PTGER1: variants seen among roughly 807,000 people sequenced by gnomAD.
PTGER1 encodes the protein prostaglandin E2 receptor EP1 subtype.
In PTGER1, 15 loss-of-function variants were observed where a neutral mutation model predicts 18.5. The ratio of observed to expected loss-of-function variants is 0.81; its 90% confidence interval spans 0.54 to 1.25. PTGER1 has a LOEUF of 1.25. Ranked by LOEUF, PTGER1 falls within the 50% of genes most tolerant of loss-of-function variation. The pLI, the probability that PTGER1 is intolerant of heterozygous loss-of-function variation, is 0.00. For missense variants in PTGER1, 567 were observed against 603.4 expected, an observed-to-expected ratio of 0.94 and a Z score of 0.63; for synonymous variants, 339 against 308.4, an observed-to-expected ratio of 1.10 and a Z score of -1.04.
chr19:14,472,877 C>A, intron 2 of PTGER1, 51 bp from the exon 3 acceptor site: 1 of 1,494,262 alleles, frequency 6.7e-7, no homozygotes, highest in South Asian at 1.3e-5. Context: ...CGCAGGGGGG[C>A]GCAGGGATGG....
Position 14,473,876 on chromosome 19 carries a change from C to A in PTGER1, c.445G>T (p.Val149Phe). 1.6e-6 allele frequency: 2 copies of A among 1,266,278 alleles called. No individual in the cohort carries two copies. The highest frequency in any genetic ancestry group is 9.9e-7 in the Non-Finnish European group (1 of 1,010,378). The allele number at this position is 1,266,278 out of a possible 1,614,324, so 78.4% of individuals were successfully genotyped here. A position where few individuals can be genotyped will look rare whatever the true frequency, so the allele number is the denominator to read the frequency against. ...VTRPLLHAAR[V>F]SVARARLALA... ...GCCAGGCGCGCGCGGGCGACCGAGA[C>A]CCGCGCGGCGTGGAGCAGCGGCCGC... is the stretch of plus-strand genomic sequence containing the variant. The change falls in exon 2 of 3, where the codon GTC (valine) becomes TTC (phenylalanine). Residue 149 changes from valine to phenylalanine, a missense_variant. By Grantham distance (50) the Val-to-Phe change is conservative. Coordinates refer to ENST00000292513, the MANE Select transcript of PTGER1 (RefSeq NM_000955.3). The surrounding 1 kb of genome is among the most constrained non-coding windows in gnomAD (Gnocchi z 7.1).
Position 14,473,785 on chromosome 19 carries a change from T to C in PTGER1, c.536A>G (p.Tyr179Cys). ...ALLPLARVGR[Y>C]ELQYPGTWCF... ...CCACGTGCCCGGGTACTGCAGCTCA[T>C]AGCGGCCCACGCGCGCCAGCGGCAG... Residue 179 changes from tyrosine (Y) to cysteine (C), a missense_variant, in exon 2 of 3, where the codon TAT (tyrosine) becomes TGT (cysteine). Tyr to Cys is a radical substitution (Grantham distance 194). Coordinates refer to ENST00000292513, the MANE Select transcript of PTGER1 (RefSeq NM_000955.3). The surrounding 1 kb of genome is among the most constrained non-coding windows in gnomAD (Gnocchi z 7.1). The C allele has an allele frequency of 7.0e-7, 1 of 1,432,338 alleles. No homozygotes were observed. 88.7% of individuals were successfully genotyped at this position (1,432,338 alleles called of 1,614,324 possible). A position where few individuals can be genotyped will look rare whatever the true frequency, so the allele number is the denominator to read the frequency against.
rs773392760 is a variant in PTGER1 at position 14,472,642 on chromosome 19, G to A, written c.1127C>T (p.Pro376Leu). The A allele has an allele frequency of 6.2e-7, 1 of 1,607,650 alleles. No individual in the cohort carries two copies. The highest frequency in any genetic ancestry group is 1.7e-5 in the Admixed American group (1 of 59,426). Residue 376 changes from proline (P) to leucine (L), a missense_variant, in exon 3 of 3, where the codon CCC (proline) becomes CTC (leucine). Pro to Leu is a moderately conservative substitution (Grantham distance 98). Coordinates refer to ENST00000292513, the MANE Select transcript of PTGER1 (RefSeq NM_000955.3). ...LPPRAGAKGG[P>L]AGLGLTPSAW... Reference sequence around the variant, plus strand: ...GCTCGGTGTTAGGCCCAGCCCCGCGGGGCCGCCCTTGGCTCCGGCCCTCGG... The same window carrying A: ...GCTCGGTGTTAGGCCCAGCCCCGCGAGGCCGCCCTTGGCTCCGGCCCTCGG...
chr19:14,474,069 G>C lies in PTGER1; in HGVS notation c.252C>G (p.Asp84Glu). Residue 84 changes from aspartate to glutamate, a missense_variant, in exon 2 of 3, where the codon GAC becomes GAG. Asp to Glu is a conservative substitution (Grantham distance 45). Transcript: ENST00000292513. The surrounding 1 kb of genome is among the most constrained non-coding windows in gnomAD (Gnocchi z 5.4). ...LLFVASLLAT[D>E]LAGHVIPGAL... is the part of the protein sequence containing the mutation. ...CGCCCGGGATCACGTGGCCCGCCAG[G>C]TCGGTGGCCAGCAGGCTGGCCACGA... 6.7e-7 allele frequency: 1 copy of C among 1,493,844 alleles called. No individual in the cohort carries two copies. The highest frequency in any genetic ancestry group is 1.5e-5 in the African/African-American group (1 of 68,536). 92.5% of individuals were successfully genotyped at this position (1,493,844 alleles called of 1,614,324 possible). A position where few individuals can be genotyped will look rare whatever the true frequency, so the allele number is the denominator to read the frequency against.
chr19:14,474,079 AGCAGGCTGGCCAC>A lies in PTGER1; in HGVS notation c.229_241del (p.Val77TrpfsTer9). On this transcript the variant is annotated frameshift_variant, in exon 2 of 3. Transcript: ENST00000292513. LOFTEE classifies it high-confidence loss of function. The surrounding 1 kb of genome is among the most constrained non-coding windows in gnomAD (Gnocchi z 5.4). ...CACGTGGCCCGCCAGGTCGGTGGCC[AGCAGGCTGGCCAC>A]GAACAGCAGGAAGGTGGCGGCCGAG... The A allele has an allele frequency of 6.9e-7, 1 of 1,447,182 alleles. No individual in the cohort carries two copies. The highest frequency in any genetic ancestry group is 9.1e-7 in the Non-Finnish European group (1 of 1,101,840). The allele number at this position is 1,447,182 out of a possible 1,614,324, so 89.6% of individuals were successfully genotyped here.
Position 14,472,861 on chromosome 19 carries a change from C to A in PTGER1, c.943-35G>T, listed in dbSNP as rs529281879. 56 of 1,520,694 alleles carry A rather than the reference C, an allele frequency of 3.7e-5. No individual in the cohort carries two copies. In the African/African-American group the frequency reaches 7.4e-4, roughly 20 times the overall value. 94.2% of individuals were successfully genotyped at this position (1,520,694 alleles called of 1,614,324 possible). On this transcript the variant is annotated intron_variant, in intron 2 of 2. Transcript: ENST00000292513. The stretch of plus-strand genomic sequence containing the variant: ...AAGCCGGTGTGAGCTATAGAGCAGG[C>A]GCGGGCGCAGGGGGGCGCAGGGATG...
rs980271498 is a variant in PTGER1, at chr19:14,474,885, CCA to C, written c.-18+375_-18+376del. Among the ~76,000 whole-genome samples the C allele has an allele frequency of 8.5e-5, 13 of 152,292 alleles. No individual in the cohort carries two copies. Among genetic ancestry groups the C allele is most frequent in the African/African-American group, 3.1e-4 (13 of 41,568 alleles). ...CCATCTCTGACCCCACATGGCACAG[CCA>C]CATCTGTGCCATGGACCCATCTCTG... On this transcript the variant is annotated intron_variant, in intron 1 of 2. Transcript: ENST00000292513. This position sits in a 1 kb window ranked among gnomAD's most constrained non-coding sequence, Gnocchi z 5.4.
Position 14,472,607 on chromosome 19 carries a change from C to T in PTGER1, c.1162G>A (p.Ala388Thr). The T allele has an allele frequency of 6.2e-7, 1 of 1,600,910 alleles. No homozygotes were observed. Residue 388 changes from alanine to threonine, a missense_variant, in exon 3 of 3, where the codon GCC becomes ACC. Coordinates refer to ENST00000292513, the MANE Select transcript of PTGER1 (RefSeq NM_000955.3). ...TGCCGGGAGCTGCGCAGCGAGCTGG[C>T]CTCCCAGGCGCTCGGTGTTAGGCCC... The part of the protein sequence containing the change: ...GLGLTPSAWE[A>T]SSLRSSRHSG...
At position 14,474,291 on chromosome 19, in the gene PTGER1, G is replaced by T. The variant is rs1473839305; in HGVS notation, c.30C>A (p.Ser10Arg). 3 of 1,530,572 alleles carry T rather than the reference G, an allele frequency of 2.0e-6. No homozygotes were observed. Among genetic ancestry groups the T allele is most frequent in the Non-Finnish European group, 2.6e-6 (3 of 1,144,858 alleles). 94.8% of individuals were successfully genotyped at this position (1,530,572 alleles called of 1,614,324 possible). A position where few individuals can be genotyped will look rare whatever the true frequency, so the allele number is the denominator to read the frequency against. ...CGCATGTGGTCGCCTCGCCCGCCAGGCTCAGGTTGAGGGGCCCGCAAGGGC... is the reference window on the plus strand; with the variant it reads ...CGCATGTGGTCGCCTCGCCCGCCAGTCTCAGGTTGAGGGGCCCGCAAGGGC... The part of the protein sequence containing the change: MSPCGPLNL[S>R]LAGEATTCAA... Residue 10 changes from serine to arginine, a missense_variant, in exon 2 of 3, where the codon AGC becomes AGA. Physicochemically the swap from Ser to Arg is moderately radical, Grantham distance 110 (BLOSUM62 -1). Coordinates refer to ENST00000292513, the MANE Select transcript of PTGER1 (RefSeq NM_000955.3). The surrounding 1 kb of genome is among the most constrained non-coding windows in gnomAD (Gnocchi z 5.4).
Position 14,472,540 on chromosome 19 carries a change from C to T in PTGER1, c.*20G>A, listed in dbSNP as rs201302105. The T allele has an allele frequency of 1.5e-4, 225 of 1,536,012 alleles. No individual in the cohort carries two copies. Among genetic ancestry groups the T allele is most frequent in the Non-Finnish European group, 1.9e-4 (219 of 1,147,990 alleles). The stretch of plus-strand genomic sequence containing the variant: ...CCAGCCCAGGGTGGGCTGGCTTAGT[C>T]GTTGGGCCTCTGGTTGTGCTTAGAA... On this transcript the variant is annotated 3_prime_UTR_variant, in exon 3 of 3. Transcript: ENST00000292513.
In PTGER1 at chr19:14,472,760, C is replaced by T. The variant is rs1185809076; in HGVS notation, c.1009G>A (p.Val337Met). The change falls in exon 3 of 3, where the codon GTG becomes ATG. Residue 337 changes from valine (V) to methionine (M), a missense_variant. Physicochemically the swap from Val to Met is conservative, Grantham distance 21 (BLOSUM62 1). Coordinates refer to ENST00000292513, the MANE Select transcript of PTGER1 (RefSeq NM_000955.3). The stretch of plus-strand genomic sequence containing the variant: ...ATCTGGTTCCAGGAGGCAAGGCGCA[C>T]GGCCAGGAACAGTGGCCGCTGCAGG... ...TSLQRPLFLA[V>M]RLASWNQILD... The T allele has an allele frequency of 1.9e-6, 3 of 1,593,822 alleles. No homozygotes were observed. Among genetic ancestry groups the T allele is most frequent in the Non-Finnish European group, 2.6e-6 (3 of 1,170,984 alleles).
rs903466444 is a variant in PTGER1 at position 14,473,624 on chromosome 19, G to A, written c.697C>T (p.Arg233Cys). 2.0e-5 allele frequency: 29 copies of A among 1,467,810 alleles called. No individual in the cohort carries two copies. Among genetic ancestry groups the A allele is most frequent in the Non-Finnish European group, 2.4e-5 (27 of 1,119,954 alleles). The allele number at this position is 1,467,810 out of a possible 1,614,324, so 90.9% of individuals were successfully genotyped here. Residue 233 changes from arginine to cysteine, a missense_variant, in exon 2 of 3, where the codon CGC becomes TGC. Arg to Cys is a radical substitution (Grantham distance 180). Coordinates refer to ENST00000292513, the MANE Select transcript of PTGER1 (RefSeq NM_000955.3). The surrounding 1 kb of genome is among the most constrained non-coding windows in gnomAD (Gnocchi z 7.1). Reference sequence around the variant, plus strand: ...GGCCGTCGGGAGCGGCGTCGCCAGCGGGCGCGTAGCAGGGCCAGGCCGCTG... The same window carrying A: ...GGCCGTCGGGAGCGGCGTCGCCAGCAGGCGCGTAGCAGGGCCAGGCCGCTG... ...TLSGLALLRARWRRRSRRPPP... is the reference protein window; with the variant it reads ...TLSGLALLRACWRRRSRRPPP...
rs903351025 is a variant in PTGER1, at chr19:14,473,966, A to C, written c.355T>G (p.Phe119Val). 9.0e-5 allele frequency: 135 copies of C among 1,495,068 alleles called. 1 individual carries two copies. In the African/African-American group the frequency reaches 1.4e-3, roughly 16 times the overall value. The allele number at this position is 1,495,068 out of a possible 1,614,324, so 92.6% of individuals were successfully genotyped here. Residue 119 changes from phenylalanine to valine, a missense_variant, in exon 2 of 3, where the codon TTC (phenylalanine) becomes GTC (valine). Transcript: ENST00000292513. The surrounding 1 kb of genome is among the most constrained non-coding windows in gnomAD (Gnocchi z 7.1). ...ACHFLGGCMV[F>V]FGLCPLLLGC... ...AGCAGCAGCGGGCACAGGCCGAAGAAGACCATGCAGCCGCCCAGGAAGTGG... is the reference window on the plus strand; with the variant it reads ...AGCAGCAGCGGGCACAGGCCGAAGACGACCATGCAGCCGCCCAGGAAGTGG...
rs1224514499 is a variant in PTGER1, at chr19:14,474,944, T to A, written c.-18+318A>T. ...CCCCATGGACCTGCCTCTGCTCCAC[T>A]GCGGTCTCTCGCCAGGCCCTACCCC... On this transcript the variant is annotated intron_variant, in intron 1 of 2. Transcript: ENST00000292513. The surrounding 1 kb of genome is among the most constrained non-coding windows in gnomAD (Gnocchi z 5.4). 1.3e-5 allele frequency among the ~76,000 whole-genome samples: 2 copies of A among 152,098 alleles called. No individual in the cohort carries two copies. The highest frequency in any genetic ancestry group is 4.8e-5 in the African/African-American group (2 of 41,424).
In PTGER1 at chr19:14,473,797, C is replaced by T; in HGVS notation, c.524G>A (p.Arg175His). 1.4e-5 allele frequency: 20 copies of T among 1,414,722 alleles called. No individual in the cohort carries two copies. Among genetic ancestry groups the T allele is most frequent in the Non-Finnish European group, 1.8e-5 (19 of 1,084,410 alleles). The allele number at this position is 1,414,722 out of a possible 1,614,324, so 87.6% of individuals were successfully genotyped here. A position where few individuals can be genotyped will look rare whatever the true frequency, so the allele number is the denominator to read the frequency against. ...ALAVALLPLA[R>H]VGRYELQYPG... ...GTACTGCAGCTCATAGCGGCCCACG[C>T]GCGCCAGCGGCAGCAGCGCCACGGC... The change falls in exon 2 of 3, where the codon CGC becomes CAC. Residue 175 changes from arginine (R) to histidine (H), a missense_variant. Coordinates refer to ENST00000292513, the MANE Select transcript of PTGER1 (RefSeq NM_000955.3). The surrounding 1 kb of genome is among the most constrained non-coding windows in gnomAD (Gnocchi z 7.1).
chr19:14,473,749 C>G lies in PTGER1; in HGVS notation c.572G>C (p.Gly191Ala), dbSNP rs1271682769. 3 of 1,457,340 alleles carry G rather than the reference C, an allele frequency of 2.1e-6. No homozygotes were observed. The Admixed American group carries it at 7.5e-5, about 36-fold the overall frequency. The allele number at this position is 1,457,340 out of a possible 1,614,324, so 90.3% of individuals were successfully genotyped here. A position where few individuals can be genotyped will look rare whatever the true frequency, so the allele number is the denominator to read the frequency against. ...GCGCCAGCCGCCCGGGGGACCCAGGCCGATGAAGCACCACGTGCCCGGGTA... is the reference window on the plus strand; with the variant it reads ...GCGCCAGCCGCCCGGGGGACCCAGGGCGATGAAGCACCACGTGCCCGGGTA... Reference protein sequence around the residue: ...LQYPGTWCFIGLGPPGGWRQA... With the variant: ...LQYPGTWCFIALGPPGGWRQA... The change falls in exon 2 of 3, where the codon GGC becomes GCC. Residue 191 changes from glycine to alanine, a missense_variant. Transcript: ENST00000292513. The surrounding 1 kb of genome is among the most constrained non-coding windows in gnomAD (Gnocchi z 7.1).
chr19:14,473,973 G>A lies in PTGER1; in HGVS notation c.348C>T (p.Cys116=). Residue 116 remains cysteine, a synonymous_variant, in exon 2 of 3, where the codon TGC becomes TGT. Coordinates refer to ENST00000292513, the MANE Select transcript of PTGER1 (RefSeq NM_000955.3). This position sits in a 1 kb window ranked among gnomAD's most constrained non-coding sequence, Gnocchi z 7.1. ...AGGACHFLGG[C]MVFFGLCPLL... is the part of the protein sequence containing the mutation. ...GCGGGCACAGGCCGAAGAAGACCATGCAGCCGCCCAGGAAGTGGCAGGCCC... is the reference window on the plus strand; with the variant it reads ...GCGGGCACAGGCCGAAGAAGACCATACAGCCGCCCAGGAAGTGGCAGGCCC... 1 of 1,497,352 alleles carries A rather than the reference G, an allele frequency of 6.7e-7. No individual in the cohort carries two copies. Among genetic ancestry groups the A allele is most frequent in the Admixed American group, 2.1e-5 (1 of 48,038 alleles). The allele number at this position is 1,497,352 out of a possible 1,614,324, so 92.8% of individuals were successfully genotyped here.
In PTGER1 at chr19:14,473,946, C is replaced by T; in HGVS notation, c.375G>A (p.Leu125=). 6.8e-7 allele frequency: 1 copy of T among 1,476,248 alleles called. No homozygotes were observed. The highest frequency in any genetic ancestry group is 8.9e-7 in the Non-Finnish European group (1 of 1,118,324). The allele number at this position is 1,476,248 out of a possible 1,614,324, so 91.4% of individuals were successfully genotyped here. ...GCMVFFGLCP[L]LLGCGMAVER... ...CCACGGCCATGCCACAGCCCAGCAGCAGCGGGCACAGGCCGAAGAAGACCA... is the reference window on the plus strand; with the variant it reads ...CCACGGCCATGCCACAGCCCAGCAGTAGCGGGCACAGGCCGAAGAAGACCA... The change falls in exon 2 of 3, where the codon CTG becomes CTA. Residue 125 remains leucine (L), a synonymous_variant. Transcript: ENST00000292513. This position sits in a 1 kb window ranked among gnomAD's most constrained non-coding sequence, Gnocchi z 7.1.
rs2071594616 is a variant in PTGER1, at chr19:14,474,216, C to T, written c.105G>A (p.Ser35=). ...TCATGGAGAAGATGGGCAGCGCGGGCGAAGCGCCCGACGGCGGCACGGCCG... is the reference window on the plus strand; with the variant it reads ...TCATGGAGAAGATGGGCAGCGCGGGTGAAGCGCCCGACGGCGGCACGGCCG... ...NTSAVPPSGA[S]PALPIFSMTL... The change falls in exon 2 of 3, where the codon TCG becomes TCA. Residue 35 remains serine, a synonymous_variant. Coordinates refer to ENST00000292513, the MANE Select transcript of PTGER1 (RefSeq NM_000955.3). This position sits in a 1 kb window ranked among gnomAD's most constrained non-coding sequence, Gnocchi z 5.4. 1 of 1,525,846 alleles carries T rather than the reference C, an allele frequency of 6.6e-7. No homozygotes were observed. The highest frequency in any genetic ancestry group is 8.8e-7 in the Non-Finnish European group (1 of 1,142,280). 94.5% of individuals were successfully genotyped at this position (1,525,846 alleles called of 1,614,324 possible).
Sources: allele counts gnomAD v4.1 joint callset (sites outside exome capture counted in the v4.1 genomes callset), GRCh38; gene constraint gnomAD v4.1.1; non-coding constraint Gnocchi (gnomAD v3.1); transcripts MANE v1.5; gene names NCBI Gene and HGNC (gene_info 2026-07-23, HGNC 2026-07-21).